The following GNAO1 variants were observed in gnomAD, a reference collection of about 807,000 sequenced individuals.
GNAO1 encodes the protein G protein subunit alpha o1.
For synonymous variants in GNAO1, 164 were observed against 180.7 expected (o/e 0.91, Z 0.74); for missense variants, 166 against 478.7 (o/e 0.35, Z 6.10).
At chr16:56,325,486 A>C (rs1215630535) in intron 3 of GNAO1, among the ~76,000 whole-genome samples, 5 of 152,228 alleles carry the variant, frequency 3.3e-5, no homozygotes, top group African/African-American at 1.2e-4. Context: ...CAAATTAATA[A>C]TAATAATAAT....
chr16:56,217,048 A>T (rs1596802033), intron 2 of GNAO1, among the ~76,000 whole-genome samples: 1 of 152,226 alleles, frequency 6.6e-6, no homozygotes, highest in Admixed American at 6.5e-5. Flanking sequence ...GGACATCTTT[A>T]TTGGGCAGAA....
intron 2 of GNAO1, among the ~76,000 whole-genome samples, chr16:56,264,178 G>C (rs1368700036): frequency 6.6e-6 from 1 of 152,246 alleles, no homozygotes; most frequent in Non-Finnish European, 1.5e-5. Context: ...TGGGGTTGCA[G>C]TGTTGATGGC....
chr16:56,227,128 A>G lies in GNAO1; in HGVS notation c.161+34512A>G, dbSNP rs553289582. Among the ~76,000 whole-genome samples the G allele has an allele frequency of 6.6e-5, 10 of 152,198 alleles. No individual in the cohort carries two copies. The East Asian group carries it at 1.2e-3, about 18-fold the overall frequency. On this transcript the variant is annotated intron_variant, in intron 2 of 8. Coordinates refer to ENST00000262493, the MANE Select transcript of GNAO1 (RefSeq NM_020988.3). ...TTGTTTCATTTTGTTTTATTGGCCCATGCAGTTTTTTTGTTTTTGTTTTTG... is the reference window on the plus strand; with the variant it reads ...TTGTTTCATTTTGTTTTATTGGCCCGTGCAGTTTTTTTGTTTTTGTTTTTG...
At chr16:56,229,290 C>T (rs1488563701) in intron 2 of GNAO1, among the ~76,000 whole-genome samples, 2 of 152,178 alleles carry the variant, frequency 1.3e-5, no homozygotes, top group African/African-American at 4.8e-5. Flanking sequence ...CTGCGACTTC[C>T]ACCTCCCAGG....
chr16:56,329,585 G>C (rs1301291006), intron 4 of GNAO1, among the ~76,000 whole-genome samples: 2 of 152,184 alleles, frequency 1.3e-5, no homozygotes, highest in East Asian at 1.9e-4. Flanking sequence ...GGTCAGCGTT[G>C]GTCAGGGACA....
chr16:56,336,885 A>AG, intron 6 of GNAO1, 25 bp downstream of exon 6: 2 of 1,597,732 alleles, frequency 1.3e-6, no homozygotes. Context: ...CCCCCCGGGC[A>AG]GGGGGCAGCG....
intron 2 of GNAO1, among the ~76,000 whole-genome samples, chr16:56,231,709 C>T (rs974084269): frequency 2.6e-5 from 4 of 152,208 alleles, no homozygotes; most frequent in Non-Finnish European, 5.9e-5. Context: ...TCAAGGGGCT[C>T]ATCTGTGATT....
intron 3 of GNAO1, among the ~76,000 whole-genome samples, chr16:56,313,574 T>C (rs1224015513): frequency 6.6e-6 from 1 of 152,164 alleles, no homozygotes; most frequent in African/African-American, 2.4e-5. Context: ...ATGTGTTGTT[T>C]GGTTGAAGAA....
Position 56,197,384 on chromosome 16 carries a change from A to G in GNAO1, c.161+4768A>G, listed in dbSNP as rs1404981899. On this transcript the variant is annotated intron_variant, in intron 2 of 8. Transcript: ENST00000262493. ...TGGAGACAGCAAGAGTGCGAACGGA[A>G]TGTCAGATCAAGTAGCAGATGAGTT... Among the ~76,000 whole-genome samples the G allele has an allele frequency of 3.3e-5, 5 of 152,212 alleles. No homozygotes were observed. In the East Asian group the frequency reaches 5.8e-4, roughly 18 times the overall value.
rs146077018 is a variant in GNAO1, at chr16:56,264,936, C to T, written c.162-10995C>T. 2.0e-5 allele frequency among the ~76,000 whole-genome samples: 3 copies of T among 152,180 alleles called. No individual in the cohort carries two copies. In the East Asian group the frequency reaches 5.8e-4, roughly 29 times the overall value. ...CATACAGCTTCACCCCACAATTAAA[C>T]AGCTGGATTTTTAGCTGAGTCTTCT... On this transcript the variant is annotated intron_variant, in intron 2 of 8. Transcript: ENST00000262493.
chr16:56,349,869 C>T (rs958356900), intron 6 of GNAO1, among the ~76,000 whole-genome samples: 5 of 152,140 alleles, frequency 3.3e-5, no homozygotes, highest in African/African-American at 1.2e-4. Context: ...GAGGACTGGC[C>T]GTAAGACGCA....
chr16:56,239,810 T>A (rs1725140171), intron 2 of GNAO1, among the ~76,000 whole-genome samples: 1 of 152,224 alleles, frequency 6.6e-6, no homozygotes, highest in Admixed American at 6.5e-5. Context: ...CCAAGCTGGA[T>A]GAATAGGACT....
chr16:56,335,190 G>T (rs1308752435), intron 5 of GNAO1, among the ~76,000 whole-genome samples: 1 of 152,170 alleles, frequency 6.6e-6, no homozygotes, highest in South Asian at 2.1e-4. Flanking sequence ...GTCACCTTGG[G>T]GGGAGGAGCC....
intron 6 of GNAO1, chr16:56,348,001 T>G: frequency 1.0e-6 from 1 of 976,328 alleles, no homozygotes; most frequent in Non-Finnish European, 1.2e-6. Context: ...TCCCAGGCCC[T>G]CCTTAGAAAA....
chr16:56,327,534 A>T (rs1324213539), intron 3 of GNAO1, among the ~76,000 whole-genome samples: 3 of 152,094 alleles, frequency 2.0e-5, no homozygotes, highest in African/African-American at 7.2e-5. Flanking sequence ...TACGCTAAGT[A>T]CTACTCCCGT....
chr16:56,285,419 A>C, intron 3 of GNAO1, among the ~76,000 whole-genome samples: 1 of 151,092 alleles, frequency 6.6e-6, no homozygotes, highest in South Asian at 2.1e-4. Context: ...CCAAACCCCC[A>C]CCTGGCAGCT....
intron 6 of GNAO1, chr16:56,347,017 T>C: frequency 1.0e-6 from 1 of 985,494 alleles, no homozygotes; most frequent in Non-Finnish European, 1.2e-6. Context: ...TCTTCCTTTT[T>C]CTAGCCTGCA....
intron 3 of GNAO1, among the ~76,000 whole-genome samples, chr16:56,282,372 T>C (rs201164275): frequency 3.4e-5 from 5 of 148,978 alleles, no homozygotes; most frequent in Non-Finnish European, 5.9e-5. Flanking sequence ...TATTCTCATT[T>C]ATTTGTCTAA....
At chr16:56,317,250 G>A (rs2037520847) in intron 3 of GNAO1, among the ~76,000 whole-genome samples, 1 of 152,210 alleles carries the variant, frequency 6.6e-6, no homozygotes, top group South Asian at 2.1e-4. Flanking sequence ...GGGACTTCAG[G>A]AACGCCTTGC....
Sources: gnomAD v4.1 joint callset for allele counts (sites outside exome capture counted in the v4.1 genomes callset) on GRCh38, gnomAD v4.1.1 for gene constraint, MANE v1.5 for transcripts, NCBI Gene and HGNC (gene_info 2026-07-23, HGNC 2026-07-21) for gene names.